Variants in ALCAM observed in about 807,000 individuals in gnomAD.
ALCAM encodes the protein CD166 antigen.
In ALCAM, 30 loss-of-function variants were observed where a neutral mutation model predicts 70.9. The observed-to-expected ratio is 0.42, with a 90% confidence interval of 0.32 to 0.57. The LOEUF (loss-of-function observed/expected upper bound fraction) is 0.57, where lower values mean the gene tolerates loss of function less well. Among genes scored for constraint, ALCAM ranks in the 20% least tolerant of loss-of-function variants. The pLI is 0.11. For synonymous variants in ALCAM, 249 were observed against 242.5 expected (o/e 1.03, Z -0.25); for missense variants, 591 against 695.1 (o/e 0.85, Z 1.68).
chr3:105,462,793 C>T (rs975580533), intron 1 of ALCAM, among the ~76,000 whole-genome samples: 8 of 151,316 alleles, frequency 5.3e-5, no homozygotes, highest in Admixed American at 4.0e-4. Context: ...TGACTGAATA[C>T]GATATATGTA....
chr3:105,469,659 A>G (rs536693069), intron 1 of ALCAM, among the ~76,000 whole-genome samples: 3 of 151,294 alleles, frequency 2.0e-5, no homozygotes, highest in East Asian at 3.9e-4. Flanking sequence ...TTATTCCACA[A>G]TTTGTAGCTT....
chr3:105,516,418 T>A (rs1939379459), intron 1 of ALCAM, among the ~76,000 whole-genome samples: 1 of 152,024 alleles, frequency 6.6e-6, no homozygotes, highest in Non-Finnish European at 1.5e-5. Context: ...TTACTGTAAC[T>A]AGCTTATATT....
intron 1 of ALCAM, among the ~76,000 whole-genome samples, chr3:105,379,564 G>A (rs1485891063): frequency 6.6e-6 from 1 of 151,638 alleles, no homozygotes; most frequent in Non-Finnish European, 1.5e-5. Flanking sequence ...TATTATATGT[G>A]TTTCTGTAAT....
rs1940930841 is a variant in ALCAM, at chr3:105,575,007, A to G, written c.*556A>G. The G allele has an allele frequency of 6.6e-6, 1 of 152,508 alleles. No individual in the cohort carries two copies. Among genetic ancestry groups the G allele is most frequent in the South Asian group, 2.1e-4 (1 of 4,834 alleles). 9.4% of individuals were successfully genotyped at this position (152,508 alleles called of 1,614,324 possible). A position where few individuals can be genotyped will look rare whatever the true frequency, so the allele number is the denominator to read the frequency against. On this transcript the variant is annotated 3_prime_UTR_variant, in exon 16 of 16. Transcript: ENST00000306107. ...ATTAAAAACTGTGATTTTTATCACA[A>G]GGGAGGGGAGGCCGAGAGTCAGACT...
At chr3:105,528,919 T>C (rs1183497081) in intron 3 of ALCAM, among the ~76,000 whole-genome samples, 1 of 152,216 alleles carries the variant, frequency 6.6e-6, no homozygotes, top group Admixed American at 6.5e-5. Flanking sequence ...AGTCTTAGCA[T>C]TATATATCAT....
intron 1 of ALCAM, among the ~76,000 whole-genome samples, chr3:105,401,739 T>A (rs1374525991): frequency 6.6e-6 from 1 of 151,906 alleles, no homozygotes; most frequent in African/African-American, 2.4e-5. Flanking sequence ...AATGACCCCG[T>A]CTTTCTCATT....
intron 1 of ALCAM, among the ~76,000 whole-genome samples, chr3:105,431,022 A>C (rs1240711576): frequency 6.6e-6 from 1 of 152,082 alleles, no homozygotes; most frequent in Non-Finnish European, 1.5e-5. Flanking sequence ...ATGGTAATTT[A>C]GTGTGAACCT....
chr3:105,480,620 G>T (rs1016184103), intron 1 of ALCAM, among the ~76,000 whole-genome samples: 1 of 152,166 alleles, frequency 6.6e-6, no homozygotes, highest in Non-Finnish European at 1.5e-5. Flanking sequence ...TGGAATTGTT[G>T]TAGGGACATG....
At chr3:105,427,764 T>G (rs1454178254) in intron 1 of ALCAM, among the ~76,000 whole-genome samples, 1 of 151,932 alleles carries the variant, frequency 6.6e-6, no homozygotes. Context: ...ACACCCAGCA[T>G]AACCTAACTC....
intron 1 of ALCAM, among the ~76,000 whole-genome samples, chr3:105,512,236 A>C (rs997197440): frequency 1.3e-5 from 2 of 152,024 alleles, no homozygotes; most frequent in African/African-American, 4.8e-5. Flanking sequence ...CAAATTTAAT[A>C]ATGTCACAAT....
chr3:105,558,274 C>G (rs1357791764), intron 14 of ALCAM, among the ~76,000 whole-genome samples: 1 of 152,064 alleles, frequency 6.6e-6, no homozygotes, highest in Non-Finnish European at 1.5e-5. Context: ...TGCCTCACAC[C>G]CGCTCTAAGA....
At chr3:105,515,502 G>A (rs1390660003) in intron 1 of ALCAM, among the ~76,000 whole-genome samples, 2 of 151,948 alleles carry the variant, frequency 1.3e-5, no homozygotes, top group Non-Finnish European at 2.9e-5. Flanking sequence ...GAAACCAATG[G>A]CTGAAGGTTT....
intron 1 of ALCAM, among the ~76,000 whole-genome samples, chr3:105,516,589 C>T (rs1357661127): frequency 1.3e-5 from 2 of 151,866 alleles, no homozygotes; most frequent in South Asian, 4.1e-4. Flanking sequence ...TTAAAAATGC[C>T]TAAATAATTA....
chr3:105,475,641 A>C (rs577563717), intron 1 of ALCAM, among the ~76,000 whole-genome samples: 122 of 152,120 alleles, frequency 8.0e-4, no homozygotes, highest in African/African-American at 2.9e-3. Context: ...TATAAATTTC[A>C]TGCTCAGCAA....
intron 4 of ALCAM, among the ~76,000 whole-genome samples, 185 bp downstream of exon 4, chr3:105,532,251 G>A (rs1939858476): frequency 6.6e-6 from 1 of 152,096 alleles, no homozygotes; most frequent in South Asian, 2.1e-4. Flanking sequence ...AGGTAACCAT[G>A]AGGACATCAA....
intron 1 of ALCAM, among the ~76,000 whole-genome samples, chr3:105,456,878 T>C (rs1246078903): frequency 2.0e-5 from 3 of 152,140 alleles, no homozygotes; most frequent in Non-Finnish European, 4.4e-5. Context: ...TATCTGAAGG[T>C]TTGTAAGTTC....
chr3:105,461,817 A>G (rs578166367), intron 1 of ALCAM, among the ~76,000 whole-genome samples: 2 of 151,872 alleles, frequency 1.3e-5, no homozygotes, highest in African/African-American at 4.8e-5. Context: ...TTAATTAAGC[A>G]AATATTTATT....
intron 1 of ALCAM, among the ~76,000 whole-genome samples, chr3:105,454,967 A>C (rs192059058): frequency 4.6e-4 from 70 of 151,914 alleles, no homozygotes; most frequent in Non-Finnish European, 7.8e-4. Context: ...GGCGTGAGCC[A>C]CTGCACCCGG....
intron 1 of ALCAM, among the ~76,000 whole-genome samples, chr3:105,368,265 A>AGAGAGAG (rs1553716633): frequency 2.8e-3 from 73 of 25,934 alleles, no homozygotes; most frequent in Admixed American, 4.3e-3. Context: ...GAGAGAGAGA[A>AGAGAGAG]AAGGCAAAAT....
Sources: allele counts gnomAD v4.1 joint callset (sites outside exome capture counted in the v4.1 genomes callset), GRCh38; gene constraint gnomAD v4.1.1; transcripts MANE v1.5; gene names NCBI Gene and HGNC (gene_info 2026-07-23, HGNC 2026-07-21).